SLFN12: variants seen among roughly 807,000 people sequenced by gnomAD.
The protein encoded by SLFN12 is ribonuclease SLFN12.
A neutral mutation model predicts 29.1 loss-of-function variants in SLFN12; 25 were observed. That is an observed-to-expected ratio of 0.86 (90% confidence interval 0.63 to 1.20). SLFN12 has a LOEUF of 1.20. Ranked by LOEUF, SLFN12 falls within the 50% of genes most tolerant of loss-of-function variation. The probability of loss-of-function intolerance (pLI) is 0.00; values close to 1 mark genes in which losing one functional copy is unlikely to be tolerated. For synonymous variants in SLFN12, 257 were observed against 238.7 expected (o/e 1.08, Z -0.71); for missense variants, 660 against 666.2 (o/e 0.99, Z 0.10).
At chr17:35,425,001 A>G (rs546329710) in intron 1 of SLFN12, among the ~76,000 whole-genome samples, 1 of 152,226 alleles carries the variant, frequency 6.6e-6, no homozygotes, top group South Asian at 2.1e-4. Flanking sequence ...ACTTTCAAGA[A>G]TACAGGCCCA....
intron 3 of SLFN12, 102 bp downstream of exon 3, chr17:35,420,172 G>T (rs1184812324): frequency 6.7e-6 from 5 of 748,770 alleles, no homozygotes; most frequent in Non-Finnish European, 1.1e-5. Flanking sequence ...ATAAACACAA[G>T]AATGTGCTTT....
intron 1 of SLFN12, among the ~76,000 whole-genome samples, chr17:35,423,776 T>G (rs1418957081): frequency 6.6e-6 from 1 of 152,146 alleles, no homozygotes; most frequent in African/African-American, 2.4e-5. Context: ...ATGAGGTTTT[T>G]GGGAAGTGAT....
At chr17:35,426,149 T>C (rs1271628545) in intron 1 of SLFN12, among the ~76,000 whole-genome samples, 1 of 151,876 alleles carries the variant, frequency 6.6e-6, no homozygotes, top group Non-Finnish European at 1.5e-5. Flanking sequence ...TGTTTTTTTT[T>C]CTTACTATTG....
In SLFN12 at chr17:35,422,722, A is replaced by C; in HGVS notation, c.307T>G (p.Phe103Val). Residue 103 changes from phenylalanine to valine, a missense_variant, in exon 2 of 4, where the codon TTT becomes GTT. Phe to Val is a conservative substitution (Grantham distance 50). Transcript: ENST00000304905. ...CTCCATGACTTCACAAAAATCAGAA[A>C]GTAGTTACCATTCTGCATGAAGTCT... Reference protein sequence around the residue: ...YLDFMQNGNYFLIFVKSWSLN... With the variant: ...YLDFMQNGNYVLIFVKSWSLN... The C allele has an allele frequency of 6.2e-7, 1 of 1,614,130 alleles. No homozygotes were observed. Among genetic ancestry groups the C allele is most frequent in the Non-Finnish European group, 8.5e-7 (1 of 1,179,994 alleles).
intron 1 of SLFN12, among the ~76,000 whole-genome samples, chr17:35,426,661 T>C (rs772296): frequency 0.39 from 59,281 of 152,008 alleles, 13,618 homozygotes; most frequent in Non-Finnish European, 0.49. Flanking sequence ...TGTTGGAAAT[T>C]GGACATTTGA....
chr17:35,421,958 T>C (rs1231065914), intron 2 of SLFN12, 32 bp downstream of exon 2: 5 of 1,599,164 alleles, frequency 3.1e-6, no homozygotes, highest in East Asian at 4.5e-5. Flanking sequence ...CCAAGCCAAA[T>C]GCATTCCTGT....
intron 3 of SLFN12, among the ~76,000 whole-genome samples, chr17:35,412,675 C>G (rs181325092): frequency 8.4e-4 from 128 of 152,066 alleles, no homozygotes; most frequent in African/African-American, 3.0e-3. Flanking sequence ...AAAGTCTCTA[C>G]AATTTGTAAT....
chr17:35,420,742 A>G, intron 2 of SLFN12: 1 of 211,278 alleles, frequency 4.7e-6, no homozygotes, highest in Non-Finnish European at 9.5e-6. Flanking sequence ...CAGACATTTT[A>G]TAAGCTGCTA....
At chr17:35,429,779 T>C (rs991243592) in intron 1 of SLFN12, among the ~76,000 whole-genome samples, 1 of 152,012 alleles carries the variant, frequency 6.6e-6, no homozygotes, top group Non-Finnish European at 1.5e-5. Flanking sequence ...CTCTCATCCT[T>C]CCCGCCTTCT....
rs1365073698 is a variant in SLFN12, at chr17:35,432,216, C to A, written c.-69G>T. 6.6e-6 allele frequency: 1 copy of A among 152,184 alleles called. No individual in the cohort carries two copies. The highest frequency in any genetic ancestry group is 2.1e-4 in the South Asian group (1 of 4,830). 9.4% of individuals were successfully genotyped at this position (152,184 alleles called of 1,614,324 possible). On this transcript the variant is annotated 5_prime_UTR_variant, in exon 1 of 4. Coordinates refer to ENST00000304905, the MANE Select transcript of SLFN12 (RefSeq NM_018042.5). ...CTGGTTGGCTTGCCAAAATATGTTA[C>A]CAGTGAAGAGTGTCCAGGTTCTTGG...
At position 35,423,667 on chromosome 17, in the gene SLFN12, T is replaced by A. The variant is rs1343808540; in HGVS notation, c.-40-599A>T. Among the ~76,000 whole-genome samples, 4 of 152,298 alleles carry A rather than the reference T, an allele frequency of 2.6e-5. 1 individual carries two copies. Among genetic ancestry groups the A allele is most frequent in the Middle Eastern group, 6.8e-3 (2 of 294 alleles). On this transcript the variant is annotated intron_variant, in intron 1 of 3. Coordinates refer to ENST00000304905, the MANE Select transcript of SLFN12 (RefSeq NM_018042.5). ...TTTTTAAATCTAATATCCACATATT[T>A]TCAATAAGGAAAATTCTTATATACA...
chr17:35,413,808 G>C (rs1911173503), intron 3 of SLFN12, among the ~76,000 whole-genome samples: 1 of 151,262 alleles, frequency 6.6e-6, no homozygotes, highest in Non-Finnish European at 1.5e-5. Context: ...ATTTATCCTT[G>C]GGATGCAAGC....
intron 2 of SLFN12, among the ~76,000 whole-genome samples, chr17:35,421,625 C>T (rs762488397): frequency 1.5e-4 from 23 of 149,892 alleles, no homozygotes; most frequent in Admixed American, 4.0e-4. Flanking sequence ...CTGCAACCTC[C>T]GCCACCTGGC....
At position 35,422,880 on chromosome 17, in the gene SLFN12, G is replaced by GCTATGTCTC; in HGVS notation, c.148_149insGAGACATAG (p.Cys49_Ala50insGlyAspIle). 6.2e-7 allele frequency: 1 copy of GCTATGTCTC among 1,613,974 alleles called. No individual in the cohort carries two copies. Among genetic ancestry groups the GCTATGTCTC allele is most frequent in the Non-Finnish European group, 8.5e-7 (1 of 1,179,966 alleles). ...CACTCCCCCTCCAGAATTGAGCAGA[G>GCTATGTCTC]CACACATAGCTCGTGAGACACTTTC... On this transcript the variant is annotated inframe_insertion, in exon 2 of 4. Transcript: ENST00000304905.
In SLFN12 at chr17:35,422,810, A is replaced by G. The variant is rs755800572; in HGVS notation, c.219T>C (p.Asp73=). Residue 73 remains aspartate, a synonymous_variant, in exon 2 of 4, where the codon GAT becomes GAC. Transcript: ENST00000304905. ...IENEDYSYTK[D]GIGLDLENSF... The stretch of plus-strand genomic sequence containing the variant: ...AATTTTCCAAATCTAGTCCTATTCC[A>G]TCTTTTGTATAACTATAGTCTTCAT... 3.7e-6 allele frequency: 6 copies of G among 1,613,726 alleles called. No individual in the cohort carries two copies. Among genetic ancestry groups the G allele is most frequent in the Non-Finnish European group, 5.1e-6 (6 of 1,179,790 alleles).
At chr17:35,427,180 G>A (rs1912063847) in intron 1 of SLFN12, among the ~76,000 whole-genome samples, 1 of 152,154 alleles carries the variant, frequency 6.6e-6, no homozygotes, top group African/African-American at 2.4e-5. Context: ...GCCATGCAGG[G>A]CAAAAACTTG....
Position 35,422,180 on chromosome 17 carries a change from T to G in SLFN12, c.849A>C (p.Ile283=). ...VHHFCMEKKK[I]NYSCKFLGVY... ...CTCCAAGGAATTTGCATGAATAATT[T>G]ATCTTCTTCTTCTCCATACAGAAGT... The change falls in exon 2 of 4, where the codon ATA becomes ATC. Residue 283 remains isoleucine (I), a synonymous_variant. Transcript: ENST00000304905. 6.2e-7 allele frequency: 1 copy of G among 1,614,174 alleles called. No homozygotes were observed. The highest frequency in any genetic ancestry group is 1.3e-5 in the African/African-American group (1 of 75,074).
chr17:35,432,747 C>T (rs1284652964), upstream of SLFN12, among the ~76,000 whole-genome samples: 2 of 152,104 alleles, frequency 1.3e-5, no homozygotes, highest in African/African-American at 4.8e-5. Context: ...TCTCCTGCTT[C>T]AGAAGGGAGA....
chr17:35,422,368 T>C lies in SLFN12; in HGVS notation c.661A>G (p.Ile221Val), dbSNP rs571315561. ...TEKLLQRIKE[I>V]LPQYVSAFAN... is the part of the protein sequence containing the mutation. Reference sequence around the variant, plus strand: ...AATGCAGAAACATATTGAGGGAGAATCTCTTTAATTCGTTGTAACAACTTT... The same window carrying C: ...AATGCAGAAACATATTGAGGGAGAACCTCTTTAATTCGTTGTAACAACTTT... The change falls in exon 2 of 4, where the codon ATT becomes GTT. Residue 221 changes from isoleucine to valine, a missense_variant. Coordinates refer to ENST00000304905, the MANE Select transcript of SLFN12 (RefSeq NM_018042.5). The C allele has an allele frequency of 1.4e-5, 23 of 1,614,018 alleles. No individual in the cohort carries two copies. The East Asian group carries it at 3.6e-4, about 25-fold the overall frequency.
Sources: allele counts gnomAD v4.1 joint callset (sites outside exome capture counted in the v4.1 genomes callset), GRCh38; gene constraint gnomAD v4.1.1; transcripts MANE v1.5; gene names NCBI Gene and HGNC (gene_info 2026-07-23, HGNC 2026-07-21).